Variants in TRIM33 observed in about 807,000 individuals in gnomAD.
TRIM33 encodes E3 ubiquitin-protein ligase TRIM33.
TRIM33 carries 20 observed loss-of-function variants against 125.4 expected under a neutral mutation model. The observed-to-expected ratio is 0.16, with a 90% CI of 0.11 to 0.23. The LOEUF (loss-of-function observed/expected upper bound fraction) is 0.23, where lower values mean the gene tolerates loss of function less well. Ranked by LOEUF, TRIM33 falls within the 10% of genes least tolerant of loss-of-function variation. The pLI, the probability that TRIM33 is intolerant of heterozygous loss-of-function variation, is 1.00. For synonymous variants in TRIM33, 564 were observed against 513.9 expected (o/e 1.10, Z -1.32); for missense variants, 920 against 1,411.4 (o/e 0.65, Z 5.58).
At chr1:114,473,843 A>T (rs1445971167) in intron 1 of TRIM33, among the ~76,000 whole-genome samples, 1 of 152,170 alleles carries the variant, frequency 6.6e-6, no homozygotes, top group African/African-American at 2.4e-5. Flanking sequence ...ATGAGAATGA[A>T]TTAAATACCC....
At position 114,394,918 on chromosome 1, in the gene TRIM33, CATT is replaced by C. The variant is rs1205355219; in HGVS notation, c.*2727_*2729del. ...AAAACTTTAAAAGCTTTTAAGAAAA[CATT>C]ATTATGTGGACTTTTCTCCAAATCT... On this transcript the variant is annotated 3_prime_UTR_variant, in exon 20 of 20. Coordinates refer to ENST00000358465, the MANE Select transcript of TRIM33 (RefSeq NM_015906.4). The C allele has an allele frequency of 1.0e-5, 2 of 194,214 alleles. No homozygotes were observed. The highest frequency in any genetic ancestry group is 2.1e-5 in the Non-Finnish European group (2 of 93,246). The allele number at this position is 194,214 out of a possible 1,614,324, so 12.0% of individuals were successfully genotyped here. A position where few individuals can be genotyped will look rare whatever the true frequency, so the allele number is the denominator to read the frequency against.
intron 4 of TRIM33, among the ~76,000 whole-genome samples, chr1:114,451,436 T>C (rs1649310207): frequency 6.6e-6 from 1 of 152,010 alleles, no homozygotes; most frequent in African/African-American, 2.4e-5. Context: ...TTCTTAGTCT[T>C]TGTAAGTCTA....
intron 4 of TRIM33, among the ~76,000 whole-genome samples, chr1:114,438,490 A>C (rs1648448364): frequency 6.6e-6 from 1 of 152,282 alleles, no homozygotes; most frequent in African/African-American, 2.4e-5. Context: ...CAAACATCAT[A>C]CTTTATCTAA....
intron 4 of TRIM33, among the ~76,000 whole-genome samples, chr1:114,436,093 A>G (rs573614658): frequency 6.6e-5 from 10 of 151,620 alleles, no homozygotes; most frequent in African/African-American, 2.4e-4. Flanking sequence ...GAGCAACATT[A>G]TAACTTGTAT....
chr1:114,411,568 A>C (rs965317486), intron 11 of TRIM33, among the ~76,000 whole-genome samples: 1 of 152,178 alleles, frequency 6.6e-6, no homozygotes, highest in African/African-American at 2.4e-5. Flanking sequence ...GATGCATCCC[A>C]CCTAAAAACA....
intron 4 of TRIM33, among the ~76,000 whole-genome samples, chr1:114,440,269 G>A (rs920205285): frequency 5.9e-5 from 9 of 151,836 alleles, no homozygotes; most frequent in Middle Eastern, 3.4e-3. Flanking sequence ...TTTAACTGTC[G>A]GAAACTGGTA....
intron 4 of TRIM33, among the ~76,000 whole-genome samples, chr1:114,436,470 TTTTG>T (rs1390430915): frequency 2.0e-5 from 3 of 151,868 alleles, no homozygotes; most frequent in African/African-American, 7.3e-5. Context: ...CAGAGAGTTT[TTTTG>T]TTTGTTTTTG....
At chr1:114,493,370 T>C (rs1652184454) in intron 1 of TRIM33, among the ~76,000 whole-genome samples, 1 of 152,250 alleles carries the variant, frequency 6.6e-6, no homozygotes, top group Non-Finnish European at 1.5e-5. Flanking sequence ...GCCTTCAATG[T>C]ACAAAAGTTT....
chr1:114,411,568 AC>A (rs1331387787), intron 11 of TRIM33, among the ~76,000 whole-genome samples: 2 of 152,178 alleles, frequency 1.3e-5, no homozygotes, highest in African/African-American at 2.4e-5. Flanking sequence ...GATGCATCCC[AC>A]CTAAAAACAG....
intron 1 of TRIM33, among the ~76,000 whole-genome samples, chr1:114,484,904 T>C (rs1651577488): frequency 6.6e-6 from 1 of 150,898 alleles, no homozygotes; most frequent in Non-Finnish European, 1.5e-5. Context: ...CACAAAAAAA[T>C]AGCCAGGCGT....
intron 1 of TRIM33, among the ~76,000 whole-genome samples, chr1:114,476,621 G>GA (rs897010548): frequency 4.6e-5 from 7 of 151,732 alleles, no homozygotes; most frequent in African/African-American, 9.7e-5. Context: ...CTAATGAAGA[G>GA]AAAAAAACAT....
chr1:114,506,630 G>A (rs1436079683), intron 1 of TRIM33, among the ~76,000 whole-genome samples: 3 of 152,024 alleles, frequency 2.0e-5, no homozygotes, highest in African/African-American at 7.2e-5. Flanking sequence ...AGCCTCCTGA[G>A]TAGCAAATCT....
At chr1:114,473,072 T>C (rs1036226499) in intron 1 of TRIM33, among the ~76,000 whole-genome samples, 5 of 151,752 alleles carry the variant, frequency 3.3e-5, no homozygotes, top group African/African-American at 1.2e-4. Flanking sequence ...CTGGCTAACA[T>C]GGTGAAACCC....
chr1:114,434,941 GACA>G (rs1182532339), intron 4 of TRIM33, among the ~76,000 whole-genome samples: 4 of 152,066 alleles, frequency 2.6e-5, no homozygotes, highest in African/African-American at 7.2e-5. Flanking sequence ...CAGAATATGA[GACA>G]ACAACTGATA....
chr1:114,408,159 C>T (rs575456076), intron 13 of TRIM33, among the ~76,000 whole-genome samples: 3 of 152,226 alleles, frequency 2.0e-5, no homozygotes, highest in South Asian at 2.1e-4. Flanking sequence ...AGGCAATGTA[C>T]TTAAATGACA....
rs1224964033 is a variant in TRIM33, at chr1:114,395,090, T to C, written c.*2558A>G. On this transcript the variant is annotated 3_prime_UTR_variant, in exon 20 of 20. Transcript: ENST00000358465. The stretch of plus-strand genomic sequence containing the variant: ...TATATCTAAATATCAATTTAAGTTT[T>C]TATACTTTTTAACCATAGGTATATT... 1.0e-5 allele frequency: 2 copies of C among 192,764 alleles called. No homozygotes were observed. The highest frequency in any genetic ancestry group is 8.3e-5 in the East Asian group (1 of 12,066). 11.9% of individuals were successfully genotyped at this position (192,764 alleles called of 1,614,324 possible). A position where few individuals can be genotyped will look rare whatever the true frequency, so the allele number is the denominator to read the frequency against.
intron 16 of TRIM33, among the ~76,000 whole-genome samples, chr1:114,402,139 A>G (rs1651933088): frequency 6.6e-6 from 1 of 152,212 alleles, no homozygotes; most frequent in African/African-American, 2.4e-5. Flanking sequence ...ATCAGACTAC[A>G]GGCCAGATTG....
At position 114,427,157 on chromosome 1, in the gene TRIM33, T is replaced by C; in HGVS notation, c.1420+20A>G. The C allele has an allele frequency of 8.1e-7, 1 of 1,238,210 alleles. No individual in the cohort carries two copies. Among genetic ancestry groups the C allele is most frequent in the Non-Finnish European group, 1.2e-6 (1 of 857,782 alleles). The allele number at this position is 1,238,210 out of a possible 1,614,324, so 76.7% of individuals were successfully genotyped here. ...AATTCAGTGTTCCAAGTTATATTCATAAAACTCATTATTTCTCACCTAAAT... is the reference window on the plus strand; with the variant it reads ...AATTCAGTGTTCCAAGTTATATTCACAAAACTCATTATTTCTCACCTAAAT... On this transcript the variant is annotated intron_variant, in intron 8 of 19. Coordinates refer to ENST00000358465, the MANE Select transcript of TRIM33 (RefSeq NM_015906.4).
At chr1:114,419,200 C>CA (rs35757503) in intron 11 of TRIM33, among the ~76,000 whole-genome samples, 2,093 of 53,608 alleles carry the variant, frequency 0.039, 71 homozygotes, top group African/African-American at 0.084. Flanking sequence ...GACACCATCT[C>CA]AAAAAAAAAA....
Sources: allele counts gnomAD v4.1 joint callset (sites outside exome capture counted in the v4.1 genomes callset), GRCh38; gene constraint gnomAD v4.1.1; transcripts MANE v1.5; gene names NCBI Gene and HGNC (gene_info 2026-07-23, HGNC 2026-07-21).